Variants in IL1RL1 observed in about 807,000 individuals in gnomAD.
IL1RL1 encodes the protein interleukin 1 receptor like 1, also known as interleukin-1 receptor-like 1.
Under a neutral mutation model 50.9 loss-of-function variants are expected in IL1RL1, and 32 were observed. That is an observed-to-expected ratio of 0.63 (90% CI 0.47 to 0.84). The LOEUF is 0.84. Ranked by LOEUF, IL1RL1 falls within the 40% of genes least tolerant of loss-of-function variation. The probability of loss-of-function intolerance (pLI) is 0.00; values close to 1 mark genes in which losing one functional copy is unlikely to be tolerated. For missense variants in IL1RL1, 773 were observed against 662.9 expected (o/e 1.17, Z -1.82); for synonymous variants, 275 against 236.0 (o/e 1.17, Z -1.51).
chr2:102,333,873 T>C (rs1181966203), intron 1 of IL1RL1, among the ~76,000 whole-genome samples: 1 of 152,176 alleles, frequency 6.6e-6, no homozygotes, highest in Admixed American at 6.6e-5. Flanking sequence ...TCACTTAAGA[T>C]AATGGTCTCC....
chr2:102,344,113 C>T (rs977040442), intron 8 of IL1RL1: 7 of 172,198 alleles, frequency 4.1e-5, no homozygotes, highest in Non-Finnish European at 7.0e-5. Flanking sequence ...AAAGCAAAGG[C>T]AGGCACTTCA....
intron 1 of IL1RL1, among the ~76,000 whole-genome samples, chr2:102,320,057 A>C (rs1156572607): frequency 6.6e-6 from 1 of 152,216 alleles, no homozygotes; most frequent in Non-Finnish European, 1.5e-5. Flanking sequence ...ATAAACTATA[A>C]GAAGTCTTTC....
chr2:102,325,048 G>C (rs982551666), intron 1 of IL1RL1, among the ~76,000 whole-genome samples: 3 of 152,204 alleles, frequency 2.0e-5, no homozygotes, highest in Non-Finnish European at 4.4e-5. Flanking sequence ...CGGACAGACT[G>C]CCTCCTCAAG....
chr2:102,345,080 T>G, intron 8 of IL1RL1: 1 of 885,984 alleles, frequency 1.1e-6, no homozygotes, highest in African/African-American at 1.8e-5. Flanking sequence ...CCTTCCTGGG[T>G]GCAGGCAAGA....
chr2:102,324,068 C>T (rs1196949673), intron 1 of IL1RL1, among the ~76,000 whole-genome samples: 1 of 141,462 alleles, frequency 7.1e-6, no homozygotes, highest in Admixed American at 7.3e-5. Flanking sequence ...AATAGTTTAG[C>T]CATATATGTG....
intron 8 of IL1RL1, among the ~76,000 whole-genome samples, chr2:102,346,377 A>G (rs1034927227): frequency 2.6e-5 from 4 of 152,246 alleles, no homozygotes; most frequent in African/African-American, 9.6e-5. Context: ...GTTATGGAGC[A>G]AGGATTCAAA....
At chr2:102,323,951 A>C (rs1413503287) in intron 1 of IL1RL1, among the ~76,000 whole-genome samples, 3 of 151,766 alleles carry the variant, frequency 2.0e-5, no homozygotes, top group Non-Finnish European at 2.9e-5. Flanking sequence ...GGACGATATA[A>C]TATGCATTCT....
Position 102,340,766 on chromosome 2 carries a change from T to C in IL1RL1, c.548T>C (p.Phe183Ser). The C allele has an allele frequency of 1.3e-6, 2 of 1,592,084 alleles. No individual in the cohort carries two copies. Among genetic ancestry groups the C allele is most frequent in the Non-Finnish European group, 1.7e-6 (2 of 1,173,686 alleles). Reference protein sequence around the residue: ...TEDAGDYTCKFIHNENGANYS... With the variant: ...TEDAGDYTCKSIHNENGANYS... ...GACGCAGGTGATTACACCTGTAAATTTATACACAATGAAAATGGAGCCAAT... is the reference window on the plus strand; with the variant it reads ...GACGCAGGTGATTACACCTGTAAATCTATACACAATGAAAATGGAGCCAAT... Residue 183 changes from phenylalanine (F) to serine (S), a missense_variant, in exon 5 of 11, where the codon TTT becomes TCT. Physicochemically the swap from Phe to Ser is radical, Grantham distance 155. Transcript: ENST00000233954.
chr2:102,350,773 T>C (rs1183243234), intron 10 of IL1RL1, among the ~76,000 whole-genome samples: 4 of 97,254 alleles, frequency 4.1e-5, no homozygotes, highest in African/African-American at 2.2e-4. Flanking sequence ...GCTGTGCTTC[T>C]CCTTCTGGGA....
At chr2:102,337,245 T>C (rs1573148287) in intron 1 of IL1RL1, 1 of 152,064 alleles carries the variant, frequency 6.6e-6, no homozygotes, top group African/African-American at 2.4e-5. Flanking sequence ...TAGAAGAGAG[T>C]GAGTAGTCTA....
At chr2:102,321,270 T>C (rs528266245) in intron 1 of IL1RL1, among the ~76,000 whole-genome samples, 26 of 152,360 alleles carry the variant, frequency 1.7e-4, no homozygotes, top group African/African-American at 6.3e-4. Context: ...ATGTTACTTA[T>C]TGTCCTCCTG....
At chr2:102,330,432 T>A (rs1677144385) in intron 1 of IL1RL1, among the ~76,000 whole-genome samples, 1 of 152,208 alleles carries the variant, frequency 6.6e-6, no homozygotes, top group Admixed American at 6.5e-5. Flanking sequence ...ATGGCACATG[T>A]ATACATATGT....
intron 2 of IL1RL1, among the ~76,000 whole-genome samples, chr2:102,338,603 A>T (rs987981929): frequency 2.6e-5 from 4 of 152,182 alleles, no homozygotes; most frequent in African/African-American, 9.7e-5. Context: ...ACTGACACAC[A>T]GTTTGTTTAG....
intron 8 of IL1RL1, chr2:102,344,924 A>T (rs1677725208): frequency 5.2e-6 from 5 of 968,956 alleles, no homozygotes; most frequent in Non-Finnish European, 4.9e-6. Flanking sequence ...TTATAATTTG[A>T]CACAATAAAA....
chr2:102,351,330 A>G (rs1677923811), intron 10 of IL1RL1, among the ~76,000 whole-genome samples: 2 of 152,184 alleles, frequency 1.3e-5, no homozygotes, highest in South Asian at 2.1e-4. Flanking sequence ...AAAAGAGGAC[A>G]TTGGGGCTGA....
intron 1 of IL1RL1, among the ~76,000 whole-genome samples, chr2:102,316,373 T>G (rs1676673688): frequency 6.6e-6 from 1 of 152,200 alleles, no homozygotes; most frequent in Non-Finnish European, 1.5e-5. Context: ...CTCATACTTT[T>G]TATGTAATCT....
intron 1 of IL1RL1, among the ~76,000 whole-genome samples, chr2:102,322,965 G>A (rs186877399): frequency 7.5e-4 from 114 of 151,910 alleles, no homozygotes; most frequent in African/African-American, 2.6e-3. Flanking sequence ...TTATTTTTTT[G>A]TTTGGAAATG....
downstream of IL1RL1, chr2:102,352,046 T>C (rs1310469876): frequency 1.7e-5 from 17 of 1,005,166 alleles, no homozygotes; most frequent in Admixed American, 2.5e-5. Context: ...TCAGGTTTCA[T>C]CTGGTAACTT....
chr2:102,318,344 G>A (rs1676739777), intron 1 of IL1RL1, among the ~76,000 whole-genome samples: 1 of 151,820 alleles, frequency 6.6e-6, no homozygotes, highest in Admixed American at 6.6e-5. Context: ...AGATTGATGT[G>A]CTGGAGAAAG....
Sources: allele counts gnomAD v4.1 joint callset (sites outside exome capture counted in the v4.1 genomes callset), GRCh38; gene constraint gnomAD v4.1.1; transcripts MANE v1.5; gene names NCBI Gene and HGNC (gene_info 2026-07-23, HGNC 2026-07-21).